Variants in TMC1 observed in about 807,000 individuals in gnomAD.
The protein encoded by TMC1 is transmembrane channel-like protein 1.
In TMC1, 84 loss-of-function variants were observed where a neutral mutation model predicts 105.8. The observed-to-expected ratio is 0.79, with a 90% CI of 0.67 to 0.95. TMC1 has a LOEUF of 0.95. TMC1 is among the 40% of genes least tolerant of loss of function. TMC1 has a pLI of 0.00. For missense variants in TMC1, 817 were observed against 914.1 expected, an observed-to-expected ratio of 0.89 and a Z score of 1.37; for synonymous variants, 315 against 311.5, an observed-to-expected ratio of 1.01 and a Z score of -0.12.
chr9:72,749,237 A>C (rs1363426135), intron 10 of TMC1, among the ~76,000 whole-genome samples: 5 of 152,362 alleles, frequency 3.3e-5, no homozygotes, highest in Non-Finnish European at 7.3e-5. Flanking sequence ...AAACAAAAGC[A>C]TAAAAAGTGA....
At chr9:72,523,614 A>G (rs1209373610) in intron 1 of TMC1, among the ~76,000 whole-genome samples, 1 of 151,254 alleles carries the variant, frequency 6.6e-6, no homozygotes, top group Non-Finnish European at 1.5e-5. Flanking sequence ...CTTCAAGTTG[A>G]ATAGGCTGAA....
chr9:72,823,797 A>C (rs1415429485), intron 20 of TMC1, among the ~76,000 whole-genome samples: 1 of 152,202 alleles, frequency 6.6e-6, no homozygotes, highest in East Asian at 1.9e-4. Flanking sequence ...ACATTATGAC[A>C]ATTTTATTTT....
intron 23 of TMC1, among the ~76,000 whole-genome samples, chr9:72,835,723 T>G (rs1221385898): frequency 6.9e-6 from 1 of 144,476 alleles, no homozygotes; most frequent in African/African-American, 2.5e-5. Flanking sequence ...CATTCTGCCT[T>G]GTTTAGAATA....
chr9:72,749,630 C>G (rs1308343851), intron 10 of TMC1, among the ~76,000 whole-genome samples: 1 of 152,042 alleles, frequency 6.6e-6, no homozygotes, highest in Non-Finnish European at 1.5e-5. Context: ...CCCTTAGAAA[C>G]CTTATAGAAC....
chr9:72,560,152 C>A (rs1484522060), intron 1 of TMC1, among the ~76,000 whole-genome samples: 1 of 152,156 alleles, frequency 6.6e-6, no homozygotes, highest in Non-Finnish European at 1.5e-5. Flanking sequence ...ACTCATTATC[C>A]CAATATCCCC....
At chr9:72,805,172 A>G (rs553266239) in intron 17 of TMC1, 1 of 415,746 alleles carries the variant, frequency 2.4e-6, no homozygotes, top group Non-Finnish European at 4.2e-6. Context: ...AAAACTTTTG[A>G]TTTAGTAAAC....
chr9:72,641,849 G>A lies in TMC1; in HGVS notation c.-52-6748G>A, dbSNP rs1413615754. 6.8e-5 allele frequency among the ~76,000 whole-genome samples: 8 copies of A among 118,500 alleles called. No individual in the cohort carries two copies. In the South Asian group the frequency reaches 1.3e-3, roughly 19 times the overall value. 77.7% of individuals were successfully genotyped at this position (118,500 alleles called of 152,430 possible). ...TTTTTTTTTTTTGAGAGACAGTCTCGCTCTATTGCCCAGGCTGGAGTGCAG... is the reference window on the plus strand; with the variant it reads ...TTTTTTTTTTTTGAGAGACAGTCTCACTCTATTGCCCAGGCTGGAGTGCAG... On this transcript the variant is annotated intron_variant, in intron 4 of 23. Transcript: ENST00000297784.
chr9:72,632,363 C>T (rs2132136436), intron 4 of TMC1, among the ~76,000 whole-genome samples: 1 of 152,318 alleles, frequency 6.6e-6, no homozygotes, highest in Non-Finnish European at 1.5e-5. Flanking sequence ...TGGGCAGTCA[C>T]ATTTCAACAT....
At chr9:72,563,103 G>A (rs1203384454) in intron 1 of TMC1, among the ~76,000 whole-genome samples, 2 of 152,218 alleles carry the variant, frequency 1.3e-5, no homozygotes, top group Non-Finnish European at 2.9e-5. Context: ...GAGCAAAGGT[G>A]TGGAGGTACA....
intron 17 of TMC1, among the ~76,000 whole-genome samples, chr9:72,795,351 G>T (rs1208465468): frequency 6.6e-6 from 1 of 152,216 alleles, no homozygotes; most frequent in Middle Eastern, 3.4e-3. Context: ...ACAATTGTCA[G>T]GTTTTCTCAG....
intron 8 of TMC1, among the ~76,000 whole-genome samples, chr9:72,713,529 A>T (rs928258777): frequency 1.4e-4 from 22 of 152,040 alleles, no homozygotes; most frequent in African/African-American, 5.1e-4. Flanking sequence ...AAACTTATCC[A>T]TTTCTTCTAG....
intron 18 of TMC1, among the ~76,000 whole-genome samples, chr9:72,807,754 G>T (rs1056233690): frequency 3.3e-5 from 5 of 152,178 alleles, no homozygotes; most frequent in Non-Finnish European, 7.3e-5. Flanking sequence ...ATAAGAGCTC[G>T]AAAGAGACAC....
intron 4 of TMC1, among the ~76,000 whole-genome samples, chr9:72,631,174 G>A (rs144866329): frequency 1.5e-3 from 234 of 151,980 alleles, no homozygotes; most frequent in African/African-American, 5.3e-3. Context: ...CACCACACCC[G>A]GCCCATTTTT....
intron 18 of TMC1, among the ~76,000 whole-genome samples, chr9:72,815,755 AT>A (rs1205869593): frequency 6.6e-6 from 1 of 152,204 alleles, no homozygotes; most frequent in African/African-American, 2.4e-5. Flanking sequence ...TTATCATCAC[AT>A]CAGATAATTT....
chr9:72,719,667 C>T (rs1826985479), intron 8 of TMC1, among the ~76,000 whole-genome samples: 1 of 152,220 alleles, frequency 6.6e-6, no homozygotes, highest in African/African-American at 2.4e-5. Context: ...TCTCCACATT[C>T]TATTCTATCC....
chr9:72,703,778 C>G (rs1341918481), intron 8 of TMC1, among the ~76,000 whole-genome samples: 2 of 152,228 alleles, frequency 1.3e-5, no homozygotes, highest in African/African-American at 2.4e-5. Flanking sequence ...TGGCTTCTCA[C>G]ATGTCAGCAA....
At chr9:72,727,580 A>C (rs1827143778) in intron 8 of TMC1, among the ~76,000 whole-genome samples, 1 of 152,020 alleles carries the variant, frequency 6.6e-6, no homozygotes, top group East Asian at 1.9e-4. Context: ...CCCACAGTAA[A>C]GGGGCAAGGG....
At chr9:72,748,200 C>A (rs191319335) in intron 10 of TMC1, among the ~76,000 whole-genome samples, 17 of 152,284 alleles carry the variant, frequency 1.1e-4, no homozygotes, top group Admixed American at 9.1e-4. Context: ...GGTTTAGAAG[C>A]CTGGCTTCCT....
intron 13 of TMC1, among the ~76,000 whole-genome samples, chr9:72,779,567 A>G (rs552266891): frequency 8.5e-5 from 13 of 152,258 alleles, no homozygotes; most frequent in Non-Finnish European, 1.9e-4. Flanking sequence ...TTTAAGAACC[A>G]AGCTGATCTG....
Sources: gnomAD v4.1 joint callset for allele counts (sites outside exome capture counted in the v4.1 genomes callset) on GRCh38, gnomAD v4.1.1 for gene constraint, MANE v1.5 for transcripts, NCBI Gene and HGNC (gene_info 2026-07-23, HGNC 2026-07-21) for gene names.